The following ERC2 variants were observed in gnomAD, a reference collection of about 807,000 sequenced individuals.
ERC2 encodes the protein ERC protein 2.
In ERC2, 42 loss-of-function variants were observed where a neutral mutation model predicts 114.8. That is an observed-to-expected ratio of 0.37 (90% CI 0.29 to 0.47). The LOEUF (loss-of-function observed/expected upper bound fraction) is 0.47. ERC2 is among the 20% of genes least tolerant of loss of function. The pLI is 0.99. For synonymous variants in ERC2, 454 were observed against 425.5 expected, an observed-to-expected ratio of 1.07 and a Z score of -0.82; for missense variants, 939 against 1,150.7, an observed-to-expected ratio of 0.82 and a Z score of 2.66.
At chr3:56,316,718 A>G (rs1466359631) in intron 2 of ERC2, among the ~76,000 whole-genome samples, 1 of 152,214 alleles carries the variant, frequency 6.6e-6, no homozygotes, top group Non-Finnish European at 1.5e-5. Flanking sequence ...TTTAAAGATT[A>G]TTTCACAACT....
At chr3:56,032,527 T>C (rs1263753442) in intron 7 of ERC2, among the ~76,000 whole-genome samples, 2 of 151,974 alleles carry the variant, frequency 1.3e-5, no homozygotes, top group African/African-American at 4.8e-5. Context: ...GGGAAATGAG[T>C]ATTCAGATCC....
intron 4 of ERC2, among the ~76,000 whole-genome samples, chr3:56,157,029 T>G (rs915662191): frequency 1.3e-5 from 2 of 152,194 alleles, no homozygotes; most frequent in Non-Finnish European, 2.9e-5. Context: ...CCCATAATCC[T>G]ATGAATTAAG....
At chr3:55,993,191 A>G (rs2071215407) in intron 10 of ERC2, among the ~76,000 whole-genome samples, 1 of 152,210 alleles carries the variant, frequency 6.6e-6, no homozygotes, top group Non-Finnish European at 1.5e-5. Flanking sequence ...GCAGGCAGGG[A>G]AAAAACAAGT....
At chr3:55,682,996 A>G (rs2062132403) in intron 17 of ERC2, among the ~76,000 whole-genome samples, 1 of 152,216 alleles carries the variant, frequency 6.6e-6, no homozygotes, top group South Asian at 2.1e-4. Flanking sequence ...TACATGTGTC[A>G]CTATTCAATC....
chr3:55,739,076 C>A (rs954008978), intron 14 of ERC2, among the ~76,000 whole-genome samples: 2 of 152,188 alleles, frequency 1.3e-5, no homozygotes, highest in Non-Finnish European at 2.9e-5. Flanking sequence ...CATGTCCCTG[C>A]AAAGGACATG....
At chr3:55,975,993 G>C (rs551232888) in intron 12 of ERC2, among the ~76,000 whole-genome samples, 4 of 152,088 alleles carry the variant, frequency 2.6e-5, no homozygotes, top group Admixed American at 6.5e-5. Flanking sequence ...GTCACCCTGC[G>C]CCATGGGTAA....
intron 3 of ERC2, among the ~76,000 whole-genome samples, chr3:56,228,437 C>T (rs1241791045): frequency 6.6e-6 from 1 of 152,214 alleles, no homozygotes; most frequent in East Asian, 1.9e-4. Flanking sequence ...GCTCTAAGTA[C>T]TTCATATAAG....
chr3:56,295,178 T>G (rs1279779614), intron 3 of ERC2, among the ~76,000 whole-genome samples: 2 of 152,272 alleles, frequency 1.3e-5, no homozygotes, highest in African/African-American at 4.8e-5. Flanking sequence ...TGCTATAGAA[T>G]AGTTTGAAAA....
intron 2 of ERC2, among the ~76,000 whole-genome samples, chr3:56,428,878 C>G (rs1383077092): frequency 6.6e-6 from 1 of 152,184 alleles, no homozygotes; most frequent in Non-Finnish European, 1.5e-5. Flanking sequence ...CTTCTGCACA[C>G]GCAAGATGGG....
chr3:55,557,019 T>C (rs1255812955), intron 17 of ERC2, among the ~76,000 whole-genome samples: 1 of 152,130 alleles, frequency 6.6e-6, no homozygotes, highest in Admixed American at 6.5e-5. Flanking sequence ...GTTTACAATC[T>C]TTTAGGAGAG....
intron 17 of ERC2, among the ~76,000 whole-genome samples, chr3:55,538,875 C>T (rs560911742): frequency 1.3e-5 from 2 of 152,300 alleles, no homozygotes; most frequent in African/African-American, 4.8e-5. Context: ...CCCTCTATCC[C>T]TTCTTTGAAG....
chr3:55,742,091 C>T (rs1254715495), intron 14 of ERC2, among the ~76,000 whole-genome samples: 1 of 151,226 alleles, frequency 6.6e-6, no homozygotes, highest in East Asian at 1.9e-4. Flanking sequence ...GTTTTAGCCA[C>T]CCTGAAAAAA....
chr3:56,410,826 T>C (rs1030816690), intron 2 of ERC2, among the ~76,000 whole-genome samples: 3 of 152,126 alleles, frequency 2.0e-5, no homozygotes, highest in African/African-American at 7.2e-5. Context: ...TATCATACTA[T>C]GTTGTGATAG....
intron 7 of ERC2, among the ~76,000 whole-genome samples, chr3:56,066,558 A>G (rs1365668884): frequency 6.6e-6 from 1 of 152,192 alleles, no homozygotes; most frequent in Non-Finnish European, 1.5e-5. Flanking sequence ...CTTCAGTTTA[A>G]TTAGATCCCA....
intron 14 of ERC2, among the ~76,000 whole-genome samples, chr3:55,867,037 T>G (rs571638617): frequency 1.3e-5 from 2 of 152,066 alleles, no homozygotes; most frequent in African/African-American, 2.4e-5. Flanking sequence ...CATTAGGAAT[T>G]TATGTTTTGT....
intron 14 of ERC2, among the ~76,000 whole-genome samples, chr3:55,885,323 A>G (rs1016266723): frequency 6.6e-6 from 1 of 152,246 alleles, no homozygotes. Context: ...TGAACAAACC[A>G]GTGGCAAACT....
At chr3:55,872,314 TCCACATATCCGCATGGATG>T (rs2062621717) in intron 14 of ERC2, among the ~76,000 whole-genome samples, 1 of 152,088 alleles carries the variant, frequency 6.6e-6, no homozygotes, top group Non-Finnish European at 1.5e-5. Flanking sequence ...TGTGTTTCTC[TCCACATATCCGCATGGATG>T]CCAGGCTTCC....
At chr3:56,141,484 A>G (rs776343967) in intron 5 of ERC2, among the ~76,000 whole-genome samples, 11 of 152,206 alleles carry the variant, frequency 7.2e-5, no homozygotes, top group Non-Finnish European at 1.3e-4. Context: ...CAGGCCATGC[A>G]GAAAGACAGG....
intron 17 of ERC2, among the ~76,000 whole-genome samples, chr3:55,619,572 C>T (rs1300710378): frequency 3.3e-5 from 5 of 152,054 alleles, no homozygotes; most frequent in Admixed American, 1.3e-4. Flanking sequence ...GTGAAACGTA[C>T]GATAATAATA....
Sources: gnomAD v4.1 joint callset for allele counts (sites outside exome capture counted in the v4.1 genomes callset) on GRCh38, gnomAD v4.1.1 for gene constraint, MANE v1.5 for transcripts, NCBI Gene and HGNC (gene_info 2026-07-23, HGNC 2026-07-21) for gene names.